Variants in CLOCK observed in about 807,000 individuals in gnomAD.
CLOCK encodes the protein circadian locomoter output cycles protein kaput.
CLOCK carries 43 observed loss-of-function variants against 118.4 expected under a neutral mutation model. The observed-to-expected ratio is 0.36, with a 90% CI of 0.28 to 0.47. The LOEUF (loss-of-function observed/expected upper bound fraction) is 0.47. Ranked by LOEUF, CLOCK falls within the 20% of genes least tolerant of loss-of-function variation. CLOCK has a pLI of 1.00. For missense variants in CLOCK, 846 were observed against 999.9 expected (o/e 0.85, Z 2.08); for synonymous variants, 326 against 339.2 (o/e 0.96, Z 0.43).
At chr4:55,487,799 A>G (rs915199483) in intron 3 of CLOCK, among the ~76,000 whole-genome samples, 1 of 152,122 alleles carries the variant, frequency 6.6e-6, no homozygotes, top group Non-Finnish European at 1.5e-5. Flanking sequence ...AGTTTGTTTC[A>G]GCTTTCCCAC....
intron 2 of CLOCK, among the ~76,000 whole-genome samples, chr4:55,500,819 C>T (rs1577806259): frequency 2.0e-5 from 3 of 152,066 alleles, no homozygotes; most frequent in Non-Finnish European, 2.9e-5. Flanking sequence ...GTTTGTAAGC[C>T]GATCGTTCTC....
chr4:55,436,805 A>G (rs1478715248), intron 22 of CLOCK, among the ~76,000 whole-genome samples: 1 of 151,574 alleles, frequency 6.6e-6, no homozygotes, highest in Non-Finnish European at 1.5e-5. Flanking sequence ...GAAAAGCCAA[A>G]TTGTGTATTT....
chr4:55,503,293 G>C (rs569880260), intron 2 of CLOCK, among the ~76,000 whole-genome samples: 1 of 152,278 alleles, frequency 6.6e-6, no homozygotes, highest in Admixed American at 6.5e-5. Context: ...ATACAATGAA[G>C]TATTTCACAG....
intron 5 of CLOCK, 151 bp downstream of exon 5, chr4:55,479,489 T>C (rs1726765594): frequency 3.1e-6 from 2 of 647,662 alleles, no homozygotes; most frequent in Non-Finnish European, 5.5e-6. Flanking sequence ...ATTTATAAAC[T>C]ACATACCAAT....
chr4:55,501,485 A>T (rs1728443253), intron 2 of CLOCK: 1 of 142,274 alleles, frequency 7.0e-6, no homozygotes, highest in Admixed American at 6.9e-5. Flanking sequence ...TGGCCTAATC[A>T]CAGCTCACTG....
chr4:55,481,834 A>G (rs1367460351), intron 4 of CLOCK, among the ~76,000 whole-genome samples: 1 of 152,174 alleles, frequency 6.6e-6, no homozygotes, highest in Non-Finnish European at 1.5e-5. Context: ...AAGTTATTTA[A>G]CCTCTCTGAC....
intron 3 of CLOCK, chr4:55,486,385 C>A (rs1310780469): frequency 6.6e-6 from 1 of 152,166 alleles, no homozygotes; most frequent in Non-Finnish European, 1.5e-5. Context: ...TGGAAACTAT[C>A]TACTAACCTG....
At chr4:55,528,602 G>A (rs1006034119) in intron 1 of CLOCK, among the ~76,000 whole-genome samples, 8 of 152,078 alleles carry the variant, frequency 5.3e-5, no homozygotes, top group Non-Finnish European at 2.9e-5. Context: ...TAGATTTCTG[G>A]AGAACAGAAA....
rs183865227 is a variant in CLOCK, at chr4:55,525,943, T to G, written c.-289-15878A>C. Among the ~76,000 whole-genome samples, 101 of 151,668 alleles carry G rather than the reference T, an allele frequency of 6.7e-4. 1 individual carries two copies. The East Asian group carries it at 0.016, about 25-fold the overall frequency. ...GGGTTAATACGAAAATGTTTAACTATAGGTTGAGTATCCCTAATACAAAAA... is the reference window on the plus strand; with the variant it reads ...GGGTTAATACGAAAATGTTTAACTAGAGGTTGAGTATCCCTAATACAAAAA... On this transcript the variant is annotated intron_variant, in intron 1 of 22. Transcript: ENST00000513440.
chr4:55,536,381 A>G (rs751841906), intron 1 of CLOCK, among the ~76,000 whole-genome samples: 16 of 152,186 alleles, frequency 1.1e-4, no homozygotes, highest in Non-Finnish European at 1.9e-4. Context: ...GTAATTCCCA[A>G]TGTTGGAAGT....
At chr4:55,504,764 A>C (rs1728693538) in intron 2 of CLOCK, among the ~76,000 whole-genome samples, 1 of 152,206 alleles carries the variant, frequency 6.6e-6, no homozygotes, top group South Asian at 2.1e-4. Flanking sequence ...TGCTAATATA[A>C]AGAGCTCATC....
chr4:55,446,669 C>T (rs1382136230), intron 18 of CLOCK, among the ~76,000 whole-genome samples: 2 of 152,190 alleles, frequency 1.3e-5, no homozygotes, highest in Non-Finnish European at 2.9e-5. Flanking sequence ...GAGTCATGAG[C>T]AGCTCCTATT....
intron 2 of CLOCK, among the ~76,000 whole-genome samples, chr4:55,491,890 C>A (rs1296853528): frequency 2.0e-5 from 3 of 152,092 alleles, no homozygotes; most frequent in Admixed American, 2.0e-4. Context: ...ACACATATAA[C>A]TTGTAATTAT....
At chr4:55,522,111 C>T (rs1287464105) in intron 1 of CLOCK, among the ~76,000 whole-genome samples, 1 of 152,098 alleles carries the variant, frequency 6.6e-6, no homozygotes, top group Non-Finnish European at 1.5e-5. Flanking sequence ...TCTTACCACA[C>T]GTAAACATAA....
At chr4:55,522,419 A>T (rs1320737369) in intron 1 of CLOCK, among the ~76,000 whole-genome samples, 1 of 152,108 alleles carries the variant, frequency 6.6e-6, no homozygotes, top group Admixed American at 6.5e-5. Context: ...GAAGATTAGT[A>T]TCCAAAGTTC....
intron 2 of CLOCK, among the ~76,000 whole-genome samples, chr4:55,507,902 G>A (rs547144294): frequency 6.6e-6 from 1 of 152,120 alleles, no homozygotes; most frequent in Non-Finnish European, 1.5e-5. Flanking sequence ...TAGGAAACTG[G>A]TAATTTAGCA....
chr4:55,461,256 T>C (rs1312513587), intron 9 of CLOCK, among the ~76,000 whole-genome samples: 1 of 152,196 alleles, frequency 6.6e-6, no homozygotes, highest in Admixed American at 6.5e-5. Context: ...TAGGATTATA[T>C]GGTTTTCCTT....
intron 12 of CLOCK, 79 bp from the exon 13 acceptor site, chr4:55,456,082 G>C: frequency 7.8e-7 from 1 of 1,274,924 alleles, no homozygotes; most frequent in Admixed American, 1.9e-5. Context: ...AACTTTGGGG[G>C]GGGGGCTTTA....
At chr4:55,508,778 G>A (rs1015621096) in intron 2 of CLOCK, among the ~76,000 whole-genome samples, 47 of 152,194 alleles carry the variant, frequency 3.1e-4, no homozygotes, top group African/African-American at 9.9e-4. Flanking sequence ...ATTTTTAGTA[G>A]AGACGGAGTT....
Sources: gnomAD v4.1 joint callset for allele counts (sites outside exome capture counted in the v4.1 genomes callset) on GRCh38, gnomAD v4.1.1 for gene constraint, MANE v1.5 for transcripts, NCBI Gene and HGNC (gene_info 2026-07-23, HGNC 2026-07-21) for gene names.